ARSG: variants seen among roughly 807,000 people sequenced by gnomAD.
ARSG encodes the protein arylsulfatase G.
In ARSG, 37 loss-of-function variants were observed where a neutral mutation model predicts 50.5. That is an observed-to-expected ratio of 0.73 (90% CI 0.56 to 0.96). The LOEUF (loss-of-function observed/expected upper bound fraction) is 0.96. ARSG is among the 50% of genes least tolerant of loss of function. The pLI is 0.00. For missense variants in ARSG, 629 were observed against 675.3 expected, an observed-to-expected ratio of 0.93 and a Z score of 0.76; for synonymous variants, 225 against 254.6, an observed-to-expected ratio of 0.88 and a Z score of 1.11.
At chr17:68,408,595 G>A (rs1229460756) in intron 11 of ARSG, among the ~76,000 whole-genome samples, 2 of 152,126 alleles carry the variant, frequency 1.3e-5, no homozygotes, top group Non-Finnish European at 2.9e-5. Flanking sequence ...ACGTGTGCAT[G>A]TGTCTTTAAA....
chr17:68,270,566 A>G (rs1402096027), intron 1 of ARSG, among the ~76,000 whole-genome samples: 1 of 151,934 alleles, frequency 6.6e-6, no homozygotes, highest in African/African-American at 2.4e-5. Flanking sequence ...AAAAAAAAAA[A>G]AAAGGCCAGG....
At chr17:68,301,702 G>A (rs1259970327) in intron 1 of ARSG, among the ~76,000 whole-genome samples, 4 of 150,098 alleles carry the variant, frequency 2.7e-5, no homozygotes, top group Admixed American at 6.7e-5. Context: ...CCCATCTCTC[G>A]CAGCAAAAGC....
chr17:68,401,862 G>T lies in ARSG; in HGVS notation c.1303+412G>T, dbSNP rs2081486336. On this transcript the variant is annotated intron_variant, in intron 11 of 11. Coordinates refer to ENST00000621439, the MANE Select transcript of ARSG (RefSeq NM_001267727.2). ...AGGACTAGTTAGCAAACCGACAGAA[G>T]TCTCTCTGCTTCTTGGTTCACTGTG... is the stretch of plus-strand genomic sequence containing the variant. 2.6e-5 allele frequency among the ~76,000 whole-genome samples: 4 copies of T among 152,326 alleles called. No individual in the cohort carries two copies. The South Asian group carries it at 8.3e-4, about 32-fold the overall frequency.
chr17:68,370,481 G>A lies in ARSG; in HGVS notation c.939G>A (p.Ala313=), dbSNP rs761184374. The change falls in exon 8 of 12, where the codon GCG becomes GCA. Residue 313 remains alanine (A), a synonymous_variant. Transcript: ENST00000621439. ...NGPWAQKCEL[A]GSVGPFTGFW... ...CGTGGGCTCAGAAGTGTGAGCTAGC[G>A]GGCAGTGTGGGTCCCTTCACTGGAT... is the stretch of plus-strand genomic sequence containing the variant. The A allele has an allele frequency of 2.2e-5, 36 of 1,613,970 alleles. No homozygotes were observed. Among genetic ancestry groups the A allele is most frequent in the Middle Eastern group, 1.6e-4 (1 of 6,078 alleles).
downstream of ARSG, chr17:68,421,495 C>T (rs533568516): frequency 9.7e-5 from 41 of 422,566 alleles, no homozygotes; most frequent in Admixed American, 1.1e-3. Flanking sequence ...TATAAAATTC[C>T]GGTTATATAC....
chr17:68,395,291 C>T, intron 10 of ARSG, 98 bp downstream of exon 10: 1 of 1,536,612 alleles, frequency 6.5e-7, no homozygotes, highest in Non-Finnish European at 8.8e-7. Context: ...AGAAGATGGT[C>T]AAGAACAGGC....
chr17:68,319,512 G>T (rs891629201), intron 2 of ARSG, among the ~76,000 whole-genome samples: 7 of 152,190 alleles, frequency 4.6e-5, no homozygotes, highest in Non-Finnish European at 1.0e-4. Context: ...GACCTAGATG[G>T]TAGCCAATCT....
the ARSG span, chr17:68,434,555 C>G: frequency 1.2e-6 from 2 of 1,613,928 alleles, no homozygotes; most frequent in Non-Finnish European, 1.7e-6. Context: ...TGAACACAGA[C>G]CTTTTCATCC....
At chr17:68,325,956 A>C (rs1284875026) in intron 2 of ARSG, among the ~76,000 whole-genome samples, 3 of 152,216 alleles carry the variant, frequency 2.0e-5, no homozygotes, top group African/African-American at 7.2e-5. Context: ...ATTAGTATCC[A>C]GGTGGGACAT....
the ARSG span, among the ~76,000 whole-genome samples, chr17:68,431,667 G>C: frequency 5.7e-5 from 1 of 17,406 alleles, no homozygotes; most frequent in Non-Finnish European, 1.2e-4. Flanking sequence ...GGCTGGACCA[G>C]CACGAGGTGC....
intron 1 of ARSG, among the ~76,000 whole-genome samples, chr17:68,260,906 A>G (rs1448261920): frequency 3.3e-5 from 5 of 152,250 alleles, no homozygotes. Flanking sequence ...TTGAGGCAGT[A>G]TGTTAAAACC....
intron 1 of ARSG, among the ~76,000 whole-genome samples, chr17:68,280,761 A>G (rs1286455057): frequency 6.6e-6 from 1 of 152,244 alleles, no homozygotes; most frequent in Non-Finnish European, 1.5e-5. Context: ...GGAAGAGCAC[A>G]CACAACAAAA....
chr17:68,307,427 G>C lies in ARSG; in HGVS notation c.-67G>C, dbSNP rs1220930950. 4.0e-6 allele frequency: 5 copies of C among 1,263,616 alleles called. No homozygotes were observed. The highest frequency in any genetic ancestry group is 5.7e-6 in the Non-Finnish European group (5 of 880,418). The allele number at this position is 1,263,616 out of a possible 1,614,324, so 78.3% of individuals were successfully genotyped here. On this transcript the variant is annotated 5_prime_UTR_variant, in exon 2 of 12. Coordinates refer to ENST00000621439, the MANE Select transcript of ARSG (RefSeq NM_001267727.2). ...TGCTTTGAAAGTGAGCAGAAAGGAAGCTCTCAGAAAAATCTCTAGTGGTGG... is the reference window on the plus strand; with the variant it reads ...TGCTTTGAAAGTGAGCAGAAAGGAACCTCTCAGAAAAATCTCTAGTGGTGG...
intron 2 of ARSG, among the ~76,000 whole-genome samples, chr17:68,308,274 C>G (rs1233985398): frequency 6.6e-6 from 1 of 152,166 alleles, no homozygotes; most frequent in East Asian, 1.9e-4. Context: ...AGCTGCAAAC[C>G]CTCGCGGTGA....
chr17:68,368,559 G>A lies in ARSG; in HGVS notation c.716G>A (p.Arg239Lys), dbSNP rs1183265765. 6.2e-7 allele frequency: 1 copy of A among 1,613,750 alleles called. No individual in the cohort carries two copies. Among genetic ancestry groups the A allele is most frequent in the Non-Finnish European group, 8.5e-7 (1 of 1,179,970 alleles). The change falls in exon 7 of 12, where the codon AGG becomes AAG. Residue 239 changes from arginine to lysine, a missense_variant. Coordinates refer to ENST00000621439, the MANE Select transcript of ARSG (RefSeq NM_001267727.2). The part of the protein sequence containing the change: ...QFIQRASTSG[R>K]PFLLYVALAH... ...TTCTCCTGTTTCAGCACCAGCGGGA[G>A]GCCCTTCCTGCTCTATGTGGCTCTG...
the ARSG span, among the ~76,000 whole-genome samples, chr17:68,433,840 T>C: frequency 7.8e-6 from 1 of 128,680 alleles, no homozygotes; most frequent in Non-Finnish European, 1.6e-5. Flanking sequence ...TGGAGTACGG[T>C]GGCTTGATCT....
chr17:68,274,147 G>A (rs1332320664), intron 1 of ARSG: 12 of 1,476,930 alleles, frequency 8.1e-6, no homozygotes, highest in East Asian at 2.3e-5. Flanking sequence ...CTTCCTCCAC[G>A]TCTTGCACAT....
chr17:68,263,934 T>C (rs1454191075), intron 1 of ARSG, among the ~76,000 whole-genome samples: 1 of 152,182 alleles, frequency 6.6e-6, no homozygotes, highest in Non-Finnish European at 1.5e-5. Context: ...CTCGACTCAC[T>C]GCAACCTCCA....
chr17:68,305,382 C>G (rs1456594622), intron 1 of ARSG, among the ~76,000 whole-genome samples: 1 of 152,172 alleles, frequency 6.6e-6, no homozygotes, highest in Non-Finnish European at 1.5e-5. Flanking sequence ...TGTTTTCCAG[C>G]AACTTTGCTG....
Sources: gnomAD v4.1 joint callset for allele counts (sites outside exome capture counted in the v4.1 genomes callset) on GRCh38, gnomAD v4.1.1 for gene constraint, MANE v1.5 for transcripts, NCBI Gene and HGNC (gene_info 2026-07-23, HGNC 2026-07-21) for gene names.